The following TRAF3 variants were observed in gnomAD, a reference collection of about 807,000 sequenced individuals.
TRAF3 encodes TNF receptor-associated factor 3.
In TRAF3, 13 loss-of-function variants were observed where a neutral mutation model predicts 62.3. The ratio of observed to expected loss-of-function variants is 0.21; its 90% CI spans 0.14 to 0.33. TRAF3 has a LOEUF of 0.33. TRAF3 is among the 10% of genes least tolerant of loss of function. TRAF3 has a pLI of 1.00. For missense variants in TRAF3, 440 were observed against 741.8 expected (o/e 0.59, Z 4.73); for synonymous variants, 269 against 283.4 (o/e 0.95, Z 0.51).
intron 1 of TRAF3, among the ~76,000 whole-genome samples, chr14:102,796,351 C>A (rs944131203): frequency 6.6e-6 from 1 of 152,280 alleles, no homozygotes; most frequent in Non-Finnish European, 1.5e-5. Flanking sequence ...TGCGTCCCTT[C>A]ATCTGTGTCT....
At position 102,886,226 on chromosome 14, in the gene TRAF3, C is replaced by T. The variant is rs747742014; in HGVS notation, c.608C>T (p.Ser203Phe). The T allele has an allele frequency of 6.2e-7, 1 of 1,612,898 alleles. No individual in the cohort carries two copies. The highest frequency in any genetic ancestry group is 8.5e-7 in the Non-Finnish European group (1 of 1,179,776). Residue 203 changes from serine to phenylalanine, a missense_variant, in exon 7 of 12, where the codon TCC becomes TTC. By Grantham distance (155) the Ser-to-Phe change is radical. Around this residue, in one of 6 missense-constraint regions of TRAF3, gnomAD observed 255 missense variants for 424.1 expected, o/e 0.60. Transcript: ENST00000392745. ...EDTDCPCVVV[S>F]CPHKCSVQTL... ...ACCGACTGTCCCTGCGTGGTGGTGT[C>T]CTGCCCTCACAAGTGCAGCGTCCAG...
intron 2 of TRAF3, among the ~76,000 whole-genome samples, chr14:102,831,063 G>C (rs1203707938): frequency 6.6e-6 from 1 of 152,122 alleles, no homozygotes; most frequent in East Asian, 1.9e-4. Context: ...AACTCACTTA[G>C]GGTGACATTG....
chr14:102,907,936 A>G lies in TRAF3; in HGVS notation c.*2152A>G, dbSNP rs528909440. 11 of 152,398 alleles carry G rather than the reference A, an allele frequency of 7.2e-5. No individual in the cohort carries two copies. The highest frequency in any genetic ancestry group is 1.5e-4 in the Non-Finnish European group (10 of 68,054). 9.4% of individuals were successfully genotyped at this position (152,398 alleles called of 1,614,324 possible). ...AAGGACTTCCTGCAGAAGCTGCGGA[A>G]AACTACTGTTCCCTCGAAGGTGTCC... On this transcript the variant is annotated 3_prime_UTR_variant, in exon 12 of 12. Transcript: ENST00000392745.
rs911346142 is a variant in TRAF3, at chr14:102,903,553, T to C, written c.1135+124T>C. 7.4e-7 allele frequency: 1 copy of C among 1,350,094 alleles called. No individual in the cohort carries two copies. Among genetic ancestry groups the C allele is most frequent in the Non-Finnish European group, 1.0e-6 (1 of 969,376 alleles). The allele number at this position is 1,350,094 out of a possible 1,614,324, so 83.6% of individuals were successfully genotyped here. On this transcript the variant is annotated intron_variant, in intron 11 of 11. Coordinates refer to ENST00000392745, the MANE Select transcript of TRAF3 (RefSeq NM_145725.3). This position sits in a 1 kb window ranked among gnomAD's most constrained non-coding sequence, Gnocchi z 6.4. ...GCCTTAGGACAGTTTTTTCTAATTA[T>C]GGGTAACACGCAGAGGTGTGATGAC...
chr14:102,832,981 T>G (rs1372459538), intron 2 of TRAF3, among the ~76,000 whole-genome samples: 1 of 152,260 alleles, frequency 6.6e-6, no homozygotes, highest in Non-Finnish European at 1.5e-5. Flanking sequence ...TCTTTCAGAT[T>G]ATAGCTTAAA....
intron 6 of TRAF3, among the ~76,000 whole-genome samples, chr14:102,885,756 C>T (rs548520640): frequency 3.6e-4 from 55 of 152,328 alleles, no homozygotes; most frequent in African/African-American, 1.1e-3. Flanking sequence ...GGAAACCCTC[C>T]GTCTCTCAAC....
intron 1 of TRAF3, among the ~76,000 whole-genome samples, chr14:102,824,824 A>G (rs1409901181): frequency 6.6e-6 from 1 of 152,230 alleles, no homozygotes; most frequent in East Asian, 1.9e-4. Flanking sequence ...TCATATATCT[A>G]AGCTGAATTA....
intron 9 of TRAF3, among the ~76,000 whole-genome samples, chr14:102,893,010 T>A (rs1315695164): frequency 6.6e-6 from 1 of 152,244 alleles, no homozygotes; most frequent in Non-Finnish European, 1.5e-5. Context: ...TCTGTCTTTT[T>A]AAAATTATAG....
chr14:102,853,601 G>A (rs560021790), intron 2 of TRAF3, among the ~76,000 whole-genome samples: 121 of 152,112 alleles, frequency 8.0e-4, no homozygotes, highest in African/African-American at 2.9e-3. Flanking sequence ...TTAGGAGGCC[G>A]AGGCGGGCAG....
chr14:102,872,464 C>T (rs573549695), intron 4 of TRAF3, among the ~76,000 whole-genome samples: 1 of 152,316 alleles, frequency 6.6e-6, no homozygotes, highest in Non-Finnish European at 1.5e-5. Context: ...AGTCATTAGA[C>T]ATGAGTGAGA....
At position 102,871,952 on chromosome 14, in the gene TRAF3, G is replaced by T; in HGVS notation, c.281G>T (p.Ser94Ile). The change falls in exon 4 of 12, where the codon AGC becomes ATC. Residue 94 changes from serine (S) to isoleucine (I), a missense_variant. Ser to Ile is a moderately radical substitution (Grantham distance 142). This residue lies in a region of TRAF3 where 255 missense variants were observed against 424.1 expected (regional missense o/e 0.60). Coordinates refer to ENST00000392745, the MANE Select transcript of TRAF3 (RefSeq NM_145725.3). ...CCAAAATGTACAGCGTGTCAAGAGAGCATCGTTAAAGATAAGGTATTCTGG... is the reference window on the plus strand; with the variant it reads ...CCAAAATGTACAGCGTGTCAAGAGATCATCGTTAAAGATAAGGTATTCTGG... ...SSPKCTACQE[S>I]IVKDKVFKDN... The T allele has an allele frequency of 6.2e-7, 1 of 1,614,194 alleles. No individual in the cohort carries two copies.
chr14:102,875,370 A>G (rs1046646633), intron 4 of TRAF3, among the ~76,000 whole-genome samples: 13 of 152,184 alleles, frequency 8.5e-5, no homozygotes, highest in Admixed American at 7.9e-4. Context: ...ATCGTTAATT[A>G]TCAAGTCTAA....
chr14:102,847,523 C>G (rs1886795838), intron 2 of TRAF3, among the ~76,000 whole-genome samples: 1 of 152,066 alleles, frequency 6.6e-6, no homozygotes, highest in Admixed American at 6.6e-5. Context: ...TGAGAATTGA[C>G]CAACTATTAT....
chr14:102,904,546 C>T (rs1473520790), intron 11 of TRAF3, among the ~76,000 whole-genome samples: 2 of 152,130 alleles, frequency 1.3e-5, no homozygotes, highest in African/African-American at 2.4e-5. Context: ...TGCAGTGGCT[C>T]ACGCCTGTAA....
At chr14:102,832,512 A>G (rs1370614040) in intron 2 of TRAF3, among the ~76,000 whole-genome samples, 1 of 151,898 alleles carries the variant, frequency 6.6e-6, no homozygotes, top group Non-Finnish European at 1.5e-5. Context: ...CGTCTCTACT[A>G]AAAATACAAA....
chr14:102,814,939 TTTC>T (rs1180851691), intron 1 of TRAF3, among the ~76,000 whole-genome samples: 1 of 152,240 alleles, frequency 6.6e-6, no homozygotes, highest in African/African-American at 2.4e-5. Flanking sequence ...TTTCTTTTCT[TTTC>T]TTTCTTTTTC....
At position 102,910,481 on chromosome 14, in the gene TRAF3, G is replaced by A. The variant is rs1384276225; in HGVS notation, c.*4697G>A. Reference sequence around the variant, plus strand: ...CCGGGGTCCTAGCCAGGCGAGGTCAGTGTCGGCAGGCTACCTGGTCATTAT... The same window carrying A: ...CCGGGGTCCTAGCCAGGCGAGGTCAATGTCGGCAGGCTACCTGGTCATTAT... On this transcript the variant is annotated 3_prime_UTR_variant, in exon 12 of 12. Transcript: ENST00000392745. 1 of 152,288 alleles carries A rather than the reference G, an allele frequency of 6.6e-6. No homozygotes were observed. Among genetic ancestry groups the A allele is most frequent in the Non-Finnish European group, 1.5e-5 (1 of 68,062 alleles). The allele number at this position is 152,288 out of a possible 1,614,324, so 9.4% of individuals were successfully genotyped here.
chr14:102,896,464 C>T (rs1890013982), intron 9 of TRAF3, among the ~76,000 whole-genome samples: 1 of 151,854 alleles, frequency 6.6e-6, no homozygotes, highest in South Asian at 2.1e-4. Context: ...CTAGTATTTT[C>T]TTAAATGAAA....
chr14:102,886,809 G>A (rs1342903931), intron 7 of TRAF3, among the ~76,000 whole-genome samples: 2 of 152,182 alleles, frequency 1.3e-5, no homozygotes, highest in Non-Finnish European at 2.9e-5. Context: ...CAAAGATTGT[G>A]AAGCATTAAG....
Sources: allele counts gnomAD v4.1 joint callset (sites outside exome capture counted in the v4.1 genomes callset), GRCh38; gene constraint gnomAD v4.1.1; regional missense constraint gnomAD v4.1.1; non-coding constraint Gnocchi (gnomAD v3.1); transcripts MANE v1.5; gene names NCBI Gene and HGNC (gene_info 2026-07-23, HGNC 2026-07-21).